Variants in ADAM32 observed in about 807,000 individuals in gnomAD.
ADAM32 encodes the protein disintegrin and metalloproteinase domain-containing protein 32.
A neutral mutation model predicts 114.9 loss-of-function variants in ADAM32; 89 were observed. The ratio of observed to expected loss-of-function variants is 0.77; its 90% CI spans 0.65 to 0.92. The LOEUF (loss-of-function observed/expected upper bound fraction) is 0.92, where lower values mean the gene tolerates loss of function less well. Among genes scored for constraint, ADAM32 ranks in the 40% least tolerant of loss-of-function variants. The pLI is 0.00. For missense variants in ADAM32, 870 were observed against 932.8 expected (o/e 0.93, Z 0.88); for synonymous variants, 285 against 307.5 (o/e 0.93, Z 0.77).
intron 1 of ADAM32, among the ~76,000 whole-genome samples, chr8:39,115,646 C>T (rs1396045954): frequency 6.6e-6 from 1 of 150,688 alleles, no homozygotes; most frequent in Non-Finnish European, 1.5e-5. Flanking sequence ...AGATATTAGA[C>T]CTTTGTTGGC....
chr8:39,283,521 A>G, intron 23 of ADAM32, 65 bp from the exon 24 acceptor site: 1 of 1,325,092 alleles, frequency 7.5e-7, no homozygotes, highest in Non-Finnish European at 1.0e-6. Flanking sequence ...TAACAAATAA[A>G]TACAACATAA....
chr8:39,275,719 G>A (rs977292358), intron 21 of ADAM32, 109 bp from the exon 22 acceptor site: 9 of 1,014,340 alleles, frequency 8.9e-6, no homozygotes, highest in African/African-American at 5.0e-5. Context: ...GTGATTCTTG[G>A]TAGAGAAGAA....
intron 16 of ADAM32, among the ~76,000 whole-genome samples, chr8:39,235,034 TC>T (rs1165839979): frequency 6.6e-6 from 1 of 152,162 alleles, no homozygotes; most frequent in Non-Finnish European, 1.5e-5. Context: ...CATTCCTGTG[TC>T]CTGTGACCTG....
At chr8:39,218,803 T>C (rs1808757770) in intron 12 of ADAM32, among the ~76,000 whole-genome samples, 1 of 151,996 alleles carries the variant, frequency 6.6e-6, no homozygotes, top group Admixed American at 6.5e-5. Context: ...AGAAGTGCTA[T>C]CTAAGAGAAA....
At chr8:39,113,931 A>G (rs1013888039) in intron 1 of ADAM32, among the ~76,000 whole-genome samples, 2 of 152,218 alleles carry the variant, frequency 1.3e-5, no homozygotes, top group Non-Finnish European at 2.9e-5. Flanking sequence ...TTCCAGGTCA[A>G]TAACTGCATA....
intron 11 of ADAM32, among the ~76,000 whole-genome samples, chr8:39,205,866 C>T (rs1041004054): frequency 6.6e-5 from 10 of 152,092 alleles, no homozygotes; most frequent in African/African-American, 2.2e-4. Flanking sequence ...CTTTTTCAGA[C>T]GTTTCATAGA....
intron 16 of ADAM32, among the ~76,000 whole-genome samples, chr8:39,237,173 A>G (rs561130898): frequency 6.6e-6 from 1 of 152,264 alleles, no homozygotes; most frequent in African/African-American, 2.4e-5. Context: ...ATAAAAGTAG[A>G]AGAAGCAGCG....
At chr8:39,246,390 T>C (rs7836976) in intron 17 of ADAM32, among the ~76,000 whole-genome samples, 12,969 of 152,186 alleles carry the variant, frequency 0.085, 1,888 homozygotes, top group African/African-American at 0.3. Context: ...ATTGTTATAA[T>C]TGGGTACTTT....
chr8:39,139,728 G>A (rs1384452959), intron 3 of ADAM32, among the ~76,000 whole-genome samples: 1 of 152,172 alleles, frequency 6.6e-6, no homozygotes, highest in Non-Finnish European at 1.5e-5. Flanking sequence ...ATTGTAGCTT[G>A]ATGGGGATGG....
chr8:39,221,755 G>A, intron 13 of ADAM32, 53 bp downstream of exon 13: 2 of 1,368,722 alleles, frequency 1.5e-6, no homozygotes, highest in Non-Finnish European at 1.0e-6. Context: ...TCATGTGCAG[G>A]GTACTTTACA....
chr8:39,185,263 C>T lies in ADAM32; in HGVS notation c.916-1646C>T, dbSNP rs1181433042. ...CTAGGCAACACGAGTGAAACTCCAT[C>T]TCAAAAAAAAAAAAAAAATTCCAAC... On this transcript the variant is annotated intron_variant, in intron 10 of 24. Coordinates refer to ENST00000379907, the MANE Select transcript of ADAM32 (RefSeq NM_145004.7). Among the ~76,000 whole-genome samples the T allele has an allele frequency of 4.2e-4, 10 of 23,930 alleles. No homozygotes were observed. In the Admixed American group the frequency reaches 5.6e-3, roughly 14 times the overall value. The allele number at this position is 23,930 out of a possible 152,430, so 15.7% of individuals were successfully genotyped here.
intron 12 of ADAM32, among the ~76,000 whole-genome samples, chr8:39,212,599 C>T (rs905478154): frequency 6.6e-6 from 1 of 152,052 alleles, no homozygotes; most frequent in Non-Finnish European, 1.5e-5. Context: ...TTTTTCCTTT[C>T]AATATAGTGT....
chr8:39,267,565 C>T (rs757771356), intron 19 of ADAM32, among the ~76,000 whole-genome samples: 7 of 152,146 alleles, frequency 4.6e-5, no homozygotes, highest in Non-Finnish European at 8.8e-5. Flanking sequence ...AACAAATGCT[C>T]AGTGCCGCAA....
Position 39,136,674 on chromosome 8 carries a change from T to C in ADAM32, c.156T>C (p.Ile52=), listed in dbSNP as rs1802823654. Residue 52 remains isoleucine, a synonymous_variant, in exon 3 of 25, where the codon ATT becomes ATC. Coordinates refer to ENST00000379907, the MANE Select transcript of ADAM32 (RefSeq NM_145004.7). ...TTCTCTAGGAACAAATATCCTATAT[T>C]ATTCCAATAGATGAGAAACTGTACA... is the stretch of plus-strand genomic sequence containing the variant. ...SEIEYEQISY[I]IPIDEKLYTV... 1.3e-6 allele frequency: 2 copies of C among 1,544,430 alleles called. No homozygotes were observed. Among genetic ancestry groups the C allele is most frequent in the South Asian group, 1.2e-5 (1 of 80,244 alleles).
chr8:39,240,859 C>T (rs926277100), intron 16 of ADAM32, among the ~76,000 whole-genome samples: 8 of 152,172 alleles, frequency 5.3e-5, no homozygotes, highest in Non-Finnish European at 1.0e-4. Flanking sequence ...CTCATGTCCT[C>T]ACATTTCAAA....
chr8:39,187,101 G>C, intron 11 of ADAM32, 56 bp downstream of exon 11: 3 of 1,489,866 alleles, frequency 2.0e-6, no homozygotes, highest in Non-Finnish European at 1.8e-6. Context: ...AATATTCAGA[G>C]TGTGAAAATT....
At chr8:39,108,204 G>A (rs1292535100) in intron 1 of ADAM32, 10 of 171,248 alleles carry the variant, frequency 5.8e-5, no homozygotes. Context: ...AGGACCACGT[G>A]AGTCCAGGAG....
chr8:39,136,616 AT>A, intron 2 of ADAM32, 40 bp from the exon 3 acceptor site: 1 of 1,309,964 alleles, frequency 7.6e-7, no homozygotes, highest in Non-Finnish European at 1.0e-6. Flanking sequence ...TGCTTCTTGT[AT>A]TAAATTTGTC....
chr8:39,130,914 C>T (rs929118511), intron 2 of ADAM32: 4 of 450,546 alleles, frequency 8.9e-6, no homozygotes, highest in East Asian at 1.4e-4. Flanking sequence ...ATTTATCATG[C>T]CTATAATCCC....
Sources: allele counts gnomAD v4.1 joint callset (sites outside exome capture counted in the v4.1 genomes callset), GRCh38; gene constraint gnomAD v4.1.1; transcripts MANE v1.5; gene names NCBI Gene and HGNC (gene_info 2026-07-23, HGNC 2026-07-21).